PRDM1: variants seen among roughly 807,000 people sequenced by gnomAD.
The protein encoded by PRDM1 is PR domain zinc finger protein 1.
Under a neutral mutation model 62.8 loss-of-function variants are expected in PRDM1, and 13 were observed. The ratio of observed to expected loss-of-function variants is 0.21; its 90% confidence interval spans 0.13 to 0.33. PRDM1 has a LOEUF of 0.33. PRDM1 is among the 10% of genes least tolerant of loss of function. The pLI is 1.00. For missense variants in PRDM1, 895 were observed against 1,058.8 expected (o/e 0.85, Z 2.15); for synonymous variants, 396 against 417.6 (o/e 0.95, Z 0.63).
At chr6:106,024,238 A>T (rs140593953) in intron 1 of PRDM1, among the ~76,000 whole-genome samples, 1 of 152,324 alleles carries the variant, frequency 6.6e-6, no homozygotes, top group African/African-American at 2.4e-5. Context: ...GCATGGTCCT[A>T]CGGCTGTCTG....
At chr6:105,999,586 A>G (rs1203806953) in intron 1 of PRDM1, among the ~76,000 whole-genome samples, 3 of 152,010 alleles carry the variant, frequency 2.0e-5, no homozygotes, top group Non-Finnish European at 2.9e-5. Context: ...TGTCATCGTG[A>G]TGGGCTCAGG....
chr6:106,101,046 TAAC>T (rs1419796340), intron 4 of PRDM1, among the ~76,000 whole-genome samples: 1 of 152,112 alleles, frequency 6.6e-6, no homozygotes, highest in Non-Finnish European at 1.5e-5. Flanking sequence ...GAGGACCTAG[TAAC>T]AAACGACAAA....
chr6:106,067,839 G>A (rs1383027598), intron 1 of PRDM1, among the ~76,000 whole-genome samples: 6 of 152,052 alleles, frequency 3.9e-5, no homozygotes, highest in East Asian at 1.9e-4. Context: ...CTACTGAGTC[G>A]TATGCTCTAA....
intron 2 of PRDM1, among the ~76,000 whole-genome samples, chr6:106,089,015 A>C (rs2114619478): frequency 6.6e-6 from 1 of 152,296 alleles, no homozygotes; most frequent in Admixed American, 6.5e-5. Context: ...TTCAGAGCTA[A>C]CCACTGTTTA....
intron 2 of PRDM1, among the ~76,000 whole-genome samples, chr6:106,093,073 C>A (rs763432397): frequency 2.0e-5 from 3 of 152,188 alleles, no homozygotes; most frequent in South Asian, 4.1e-4. Flanking sequence ...ACAGAGCCTT[C>A]TCTTTTTAAT....
rs758451939 is a variant in PRDM1, at chr6:106,108,053, GA to G, written c.*571del. ...CAACCTCTCTCTCTAATAATGGTTT[GA>G]AAATGAGGTTTGGGTAATTGCCAAT... On this transcript the variant is annotated 3_prime_UTR_variant, in exon 7 of 7. Coordinates refer to ENST00000369096, the MANE Select transcript of PRDM1 (RefSeq NM_001198.4). 4.3e-6 allele frequency: 1 copy of G among 233,062 alleles called. No homozygotes were observed. Among genetic ancestry groups the G allele is most frequent in the Non-Finnish European group, 8.5e-6 (1 of 117,732 alleles). The allele number at this position is 233,062 out of a possible 1,614,324, so 14.4% of individuals were successfully genotyped here.
At chr6:106,088,788 A>G (rs542518092) in intron 2 of PRDM1, among the ~76,000 whole-genome samples, 2 of 152,364 alleles carry the variant, frequency 1.3e-5, no homozygotes, top group East Asian at 3.9e-4. Flanking sequence ...CCTGTTGTAC[A>G]ATATCTCTTA....
At chr6:106,014,949 CATA>C (rs2114553642) in intron 1 of PRDM1, among the ~76,000 whole-genome samples, 1 of 152,204 alleles carries the variant, frequency 6.6e-6, no homozygotes, top group South Asian at 2.1e-4. Context: ...GACACAGGGA[CATA>C]ATAAGTTCAT....
chr6:106,093,346 G>A (rs906811016), intron 2 of PRDM1, among the ~76,000 whole-genome samples: 1 of 152,180 alleles, frequency 6.6e-6, no homozygotes, highest in Non-Finnish European at 1.5e-5. Flanking sequence ...CTCCGTTTTG[G>A]TAATCAAGCT....
chr6:106,038,727 T>C (rs1772953749), intron 1 of PRDM1, among the ~76,000 whole-genome samples: 1 of 152,192 alleles, frequency 6.6e-6, no homozygotes. Flanking sequence ...CAGGAGTACA[T>C]ACACAGCTGC....
intron 1 of PRDM1, among the ~76,000 whole-genome samples, chr6:106,060,611 G>A (rs927725464): frequency 2.7e-4 from 41 of 152,298 alleles, no homozygotes; most frequent in African/African-American, 9.9e-4. Flanking sequence ...GTGAGAACAA[G>A]TGGTAAATAC....
chr6:106,001,473 C>T (rs4296925), intron 1 of PRDM1, among the ~76,000 whole-genome samples: 138,570 of 152,210 alleles, frequency 0.91, 63,196 homozygotes, highest in African/African-American at 0.96. Flanking sequence ...CTTCTAAAAG[C>T]TTCATAAAAT....
Position 106,106,562 on chromosome 6 carries a change from C to T in PRDM1, c.1902+63C>T. The T allele has an allele frequency of 6.2e-7, 1 of 1,600,428 alleles. No individual in the cohort carries two copies. The highest frequency in any genetic ancestry group is 8.5e-7 in the Non-Finnish European group (1 of 1,173,024). Reference sequence around the variant, plus strand: ...TAGAAAATGTCTGTGAGTCACCCTCCCATGTCCTATATAGCCCGTAGTTAA... The same window carrying T: ...TAGAAAATGTCTGTGAGTCACCCTCTCATGTCCTATATAGCCCGTAGTTAA... On this transcript the variant is annotated intron_variant, in intron 6 of 6. Coordinates refer to ENST00000369096, the MANE Select transcript of PRDM1 (RefSeq NM_001198.4). The surrounding 1 kb of genome is among the most constrained non-coding windows in gnomAD (Gnocchi z 4.4).
At position 106,107,043 on chromosome 6, in the gene PRDM1, C is replaced by T. The variant is rs529025464; in HGVS notation, c.2035C>T (p.Arg679Cys). 1.1e-5 allele frequency: 17 copies of T among 1,614,230 alleles called. No homozygotes were observed. The highest frequency in any genetic ancestry group is 2.7e-5 in the African/African-American group (2 of 75,070). ...GTTTGTGCACCTGAAACTGCACAAGCGTCTGCACACCCGGGAGCGGCCCCA... is the reference window on the plus strand; with the variant it reads ...GTTTGTGCACCTGAAACTGCACAAGTGTCTGCACACCCGGGAGCGGCCCCA... The part of the protein sequence containing the change: ...TQFVHLKLHK[R>C]LHTRERPHKC... The change falls in exon 7 of 7, where the codon CGT becomes TGT. Residue 679 changes from arginine (R) to cysteine (C), a missense_variant. Coordinates refer to ENST00000369096, the MANE Select transcript of PRDM1 (RefSeq NM_001198.4).
At chr6:106,042,662 G>A (rs1221805353) in intron 1 of PRDM1, among the ~76,000 whole-genome samples, 2 of 152,138 alleles carry the variant, frequency 1.3e-5, no homozygotes, top group Non-Finnish European at 2.9e-5. Flanking sequence ...GTCTTCTGGA[G>A]ACAAATTCTT....
intron 3 of PRDM1, chr6:106,098,601 T>A: frequency 7.6e-7 from 1 of 1,314,082 alleles, no homozygotes; most frequent in Non-Finnish European, 1.0e-6. Flanking sequence ...CTGGACATGT[T>A]TATCAAGAGG....
chr6:106,099,541 T>A lies in PRDM1; in HGVS notation c.653T>A (p.Met218Lys), dbSNP rs1172612900. The stretch of plus-strand genomic sequence containing the variant: ...TACCCTTATCCCGGAGAGCTGACAA[T>A]GATGAATCTCAGTAAGTGGATTACA... ...LHYPYPGELT[M>K]MNLTQTQSSL... The change falls in exon 4 of 7, where the codon ATG (methionine) becomes AAG (lysine). Residue 218 changes from methionine (M) to lysine (K), a missense_variant. Transcript: ENST00000369096. 7 of 1,614,176 alleles carry A rather than the reference T, an allele frequency of 4.3e-6. No individual in the cohort carries two copies. The Admixed American group carries it at 1.2e-4, about 27-fold the overall frequency.
chr6:106,054,028 CTT>C (rs957133642), intron 1 of PRDM1, among the ~76,000 whole-genome samples: 2 of 148,384 alleles, frequency 1.3e-5, no homozygotes, highest in Non-Finnish European at 3.0e-5. Flanking sequence ...GTGTTGGTCT[CTT>C]TTTTTTTTCA....
rs1173823792 is a variant in PRDM1, at chr6:106,105,705, G to C, written c.1545G>C (p.Gly515=). The C allele has an allele frequency of 1.2e-6, 2 of 1,613,774 alleles. No homozygotes were observed. Among genetic ancestry groups the C allele is most frequent in the Non-Finnish European group, 1.7e-6 (2 of 1,179,944 alleles). ...MKDKACSPTS[G]SPTAGTAATA... is the part of the protein sequence containing the mutation. ...ACAAGGCCTGTAGCCCCACAAGCGG[G>C]TCTCCCACGGCGGGAACAGCCGCCA... The change falls in exon 5 of 7, where the codon GGG becomes GGC. Residue 515 remains glycine (G), a synonymous_variant. Transcript: ENST00000369096.
Sources: gnomAD v4.1 joint callset for allele counts (sites outside exome capture counted in the v4.1 genomes callset) on GRCh38, gnomAD v4.1.1 for gene constraint, Gnocchi (gnomAD v3.1) non-coding constraint, MANE v1.5 for transcripts, NCBI Gene and HGNC (gene_info 2026-07-23, HGNC 2026-07-21) for gene names.